Variants in WDR76 observed in about 807,000 individuals in gnomAD.
WDR76 encodes the protein WD repeat-containing protein 76.
WDR76 carries 52 observed loss-of-function variants against 70.2 expected under a neutral mutation model. The observed-to-expected ratio is 0.74, with a 90% CI of 0.59 to 0.93. WDR76 has a LOEUF of 0.93. Among genes scored for constraint, WDR76 ranks in the 40% least tolerant of loss-of-function variants. The probability of loss-of-function intolerance (pLI) is 0.00; values close to 1 mark genes in which losing one functional copy is unlikely to be tolerated. For missense variants in WDR76, 756 were observed against 760.2 expected (o/e 0.99, Z 0.07); for synonymous variants, 292 against 271.1 (o/e 1.08, Z -0.76).
Position 43,851,135 on chromosome 15 carries a change from C to T in WDR76, c.1081C>T (p.Gln361Ter). The change falls in exon 9 of 13, where the codon CAG becomes TAG. Residue 361 changes from glutamine to a stop codon, truncating the protein, a stop_gained. Coordinates refer to ENST00000263795, the MANE Select transcript of WDR76 (RefSeq NM_024908.4). LOFTEE classifies it high-confidence loss of function. ...DGVYVFHPHS[Q>*]PVSCLYFSPA... ...AGTTTATGTTTTTCATCCCCATAGTCAGCCAGTTAGCTGTCTTTACTTCTC... is the reference window on the plus strand; with the variant it reads ...AGTTTATGTTTTTCATCCCCATAGTTAGCCAGTTAGCTGTCTTTACTTCTC... The T allele has an allele frequency of 6.2e-7, 1 of 1,614,148 alleles. No homozygotes were observed. Among genetic ancestry groups the T allele is most frequent in the Middle Eastern group, 1.6e-4 (1 of 6,062 alleles).
intron 2 of WDR76, among the ~76,000 whole-genome samples, chr15:43,831,053 C>T (rs1197235034): frequency 6.7e-6 from 1 of 150,020 alleles, no homozygotes; most frequent in Admixed American, 6.6e-5. Flanking sequence ...GTCCCCACTT[C>T]CCCACCAAAA....
intron 5 of WDR76, 139 bp from the exon 6 acceptor site, chr15:43,842,276 T>C (rs749784527): frequency 7.6e-6 from 5 of 658,576 alleles, no homozygotes; most frequent in Non-Finnish European, 1.0e-5. Flanking sequence ...ACAATTATTT[T>C]GAATGTCCAT....
intron 3 of WDR76, among the ~76,000 whole-genome samples, chr15:43,835,546 T>G: frequency 6.6e-6 from 1 of 152,058 alleles, no homozygotes; most frequent in Admixed American, 6.5e-5. Flanking sequence ...ACCAGGTCAA[T>G]AACATATCAG....
At chr15:43,835,794 G>C (rs1430601291) in intron 3 of WDR76, among the ~76,000 whole-genome samples, 1 of 151,814 alleles carries the variant, frequency 6.6e-6, no homozygotes, top group Non-Finnish European at 1.5e-5. Flanking sequence ...AAGTAGCTGG[G>C]ATTACAGGCG....
At chr15:43,854,714 C>T (rs1360254867) in intron 9 of WDR76, among the ~76,000 whole-genome samples, 3 of 151,826 alleles carry the variant, frequency 2.0e-5, no homozygotes, top group South Asian at 2.1e-4. Flanking sequence ...TTTGGGAGGC[C>T]GAGGCAGGTG....
At chr15:43,849,727 G>A (rs1019636886) in intron 8 of WDR76, among the ~76,000 whole-genome samples, 10 of 151,980 alleles carry the variant, frequency 6.6e-5, no homozygotes, top group Non-Finnish European at 1.0e-4. Context: ...TAGTAGAGAC[G>A]GGGTTTCACC....
intron 9 of WDR76, among the ~76,000 whole-genome samples, chr15:43,855,473 T>G (rs923519015): frequency 2.0e-5 from 3 of 152,206 alleles, no homozygotes; most frequent in African/African-American, 7.2e-5. Context: ...GGTCTTTTTG[T>G]GGGGTGTGAA....
intron 8 of WDR76, among the ~76,000 whole-genome samples, chr15:43,850,059 A>G (rs2087837438): frequency 6.6e-6 from 1 of 152,060 alleles, no homozygotes; most frequent in Admixed American, 6.5e-5. Context: ...AATAAAAAAG[A>G]AAACAAAAAT....
At chr15:43,859,216 CAGAAA>C (rs1295662908) in intron 11 of WDR76, among the ~76,000 whole-genome samples, 16 of 152,108 alleles carry the variant, frequency 1.1e-4, no homozygotes, top group African/African-American at 3.9e-4. Flanking sequence ...CATGGGCAGA[CAGAAA>C]AGAGCAAAAA....
rs962972900 is a variant in WDR76, at chr15:43,847,254, C to G, written c.1032+3200C>G. Reference sequence around the variant, plus strand: ...AATCCTATTTAAAAAATGTAAAATTCAATGCTTTTTTTTCTTTTTTTTTGA... The same window carrying G: ...AATCCTATTTAAAAAATGTAAAATTGAATGCTTTTTTTTCTTTTTTTTTGA... On this transcript the variant is annotated intron_variant, in intron 8 of 12. Transcript: ENST00000263795. Among the ~76,000 whole-genome samples, 9 of 151,730 alleles carry G rather than the reference C, an allele frequency of 5.9e-5. No individual in the cohort carries two copies. In the South Asian group the frequency reaches 8.3e-4, roughly 14 times the overall value.
rs1466190974 is a variant in WDR76, at chr15:43,848,059, G to C, written c.1033-3028G>C. Among the ~76,000 whole-genome samples, 5 of 149,990 alleles carry C rather than the reference G, an allele frequency of 3.3e-5. No individual in the cohort carries two copies. The East Asian group carries it at 7.9e-4, about 24-fold the overall frequency. Reference sequence around the variant, plus strand: ...GCCTAGGTGACATAGTGAGATGCCTGTCTCTTAAAAAAAACAAACAAACAA... The same window carrying C: ...GCCTAGGTGACATAGTGAGATGCCTCTCTCTTAAAAAAAACAAACAAACAA... On this transcript the variant is annotated intron_variant, in intron 8 of 12. Transcript: ENST00000263795.
chr15:43,829,242 C>T lies in WDR76; in HGVS notation c.462+876C>T, dbSNP rs147213585. Among the ~76,000 whole-genome samples the T allele has an allele frequency of 3.0e-3, 454 of 152,128 alleles. 5 individuals carry two copies. Among genetic ancestry groups the T allele is most frequent in the Non-Finnish European group, 3.7e-3 (254 of 67,988 alleles). The stretch of plus-strand genomic sequence containing the variant: ...GGCTTCTGCTGCCTACCAGGAGCGC[C>T]GTGCTCCATTCAAAGTGACAAATTT... On this transcript the variant is annotated intron_variant, in intron 2 of 12. Transcript: ENST00000263795.
At chr15:43,860,479 C>A (rs2087981857) in intron 11 of WDR76, among the ~76,000 whole-genome samples, 1 of 152,126 alleles carries the variant, frequency 6.6e-6, no homozygotes, top group Admixed American at 6.6e-5. Context: ...TATTTCTATT[C>A]ATTTATCATT....
At chr15:43,861,094 AT>A (rs1014488473) in intron 11 of WDR76, among the ~76,000 whole-genome samples, 1 of 149,564 alleles carries the variant, frequency 6.7e-6, no homozygotes, top group Non-Finnish European at 1.5e-5. Flanking sequence ...TAATTTTTAA[AT>A]TTTTTGTACA....
At chr15:43,860,699 G>A (rs2087985212) in intron 11 of WDR76, among the ~76,000 whole-genome samples, 1 of 151,452 alleles carries the variant, frequency 6.6e-6, no homozygotes, top group African/African-American at 2.4e-5. Flanking sequence ...TGTAGTGATA[G>A]GGTCTCACTA....
intron 4 of WDR76, among the ~76,000 whole-genome samples, chr15:43,838,101 C>A (rs1413717881): frequency 6.6e-6 from 1 of 152,152 alleles, no homozygotes; most frequent in Non-Finnish European, 1.5e-5. Flanking sequence ...TCTCAATCTC[C>A]TGACCTCGTG....
chr15:43,838,431 C>G (rs2087684494), intron 4 of WDR76, among the ~76,000 whole-genome samples: 1 of 152,084 alleles, frequency 6.6e-6, no homozygotes, highest in African/African-American at 2.4e-5. Context: ...AGTGATCCAC[C>G]CACCTCAGCC....
chr15:43,857,496 C>CT (rs201371275), intron 10 of WDR76: 3 of 985,168 alleles, frequency 3.0e-6, no homozygotes, highest in South Asian at 4.7e-5. Flanking sequence ...CCTGTGTTAA[C>CT]TTTTTTCTAG....
chr15:43,844,926 TAAAAAAAA>T (rs1163275078), intron 8 of WDR76, among the ~76,000 whole-genome samples: 4 of 15,538 alleles, frequency 2.6e-4, no homozygotes, highest in Admixed American at 1.4e-3. Flanking sequence ...AGACTCTGTG[TAAAAAAAA>T]AAAAAAAAAA....
Sources: allele counts gnomAD v4.1 joint callset (sites outside exome capture counted in the v4.1 genomes callset), GRCh38; gene constraint gnomAD v4.1.1; transcripts MANE v1.5; gene names NCBI Gene and HGNC (gene_info 2026-07-23, HGNC 2026-07-21).